MEIG1: variants seen among roughly 807,000 people sequenced by gnomAD.
MEIG1 encodes the protein meiosis/spermiogenesis associated 1, also known as meiosis expressed gene 1 protein homolog.
A neutral mutation model predicts 11.3 loss-of-function variants in MEIG1; 12 were observed. The observed-to-expected ratio is 1.07, with a 90% CI of 0.68 to 1.73. The LOEUF is 1.73. Among genes scored for constraint, MEIG1 ranks in the 40% most tolerant of loss-of-function variants. The probability of loss-of-function intolerance (pLI) is 0.00; values close to 1 mark genes in which losing one functional copy is unlikely to be tolerated. For synonymous variants in MEIG1, 41 were observed against 33.2 expected (o/e 1.24, Z -0.81); for missense variants, 119 against 104.9 (o/e 1.13, Z -0.59).
chr10:14,974,625 C>T (rs1160868786), downstream of MEIG1, among the ~76,000 whole-genome samples: 1 of 151,880 alleles, frequency 6.6e-6, no homozygotes, highest in Non-Finnish European at 1.5e-5. Flanking sequence ...TTAATTGAGA[C>T]TAATAACTAT....
intron 2 of MEIG1, chr10:14,970,409 A>G (rs2131272087): frequency 6.6e-6 from 1 of 152,382 alleles, no homozygotes; most frequent in South Asian, 2.1e-4. Context: ...CAAGTAGCTC[A>G]GCTCCAGATG....
At chr10:14,979,790 G>A (rs1224643944) in intron 1 of MEIG1, among the ~76,000 whole-genome samples, 2 of 151,918 alleles carry the variant, frequency 1.3e-5, no homozygotes, top group African/African-American at 4.8e-5. Flanking sequence ...GTGCACACAT[G>A]GTGTACACCC....
downstream of MEIG1, among the ~76,000 whole-genome samples, chr10:14,973,682 ATGGTG>A (rs1333383755): frequency 6.9e-6 from 1 of 144,556 alleles, no homozygotes; most frequent in Non-Finnish European, 1.5e-5. Flanking sequence ...AGGCAGGAGA[ATGGTG>A]TGAACCCAGG....
intron 1 of MEIG1, among the ~76,000 whole-genome samples, chr10:14,981,867 C>A (rs1280441963): frequency 1.3e-5 from 2 of 152,196 alleles, no homozygotes; most frequent in African/African-American, 2.4e-5. Flanking sequence ...TTGGGGGGAC[C>A]CCTCTGATTG....
intron 2 of MEIG1, chr10:14,987,704 T>C (rs1351806605): frequency 3.5e-6 from 1 of 287,032 alleles, no homozygotes; most frequent in East Asian, 8.5e-5. Flanking sequence ...ACGTCGTATA[T>C]AACAAATCCG....
At chr10:14,958,887 C>G (rs1842978041), upstream of MEIG1, among the ~76,000 whole-genome samples, 2 of 151,828 alleles carry the variant, frequency 1.3e-5, no homozygotes, top group African/African-American at 4.8e-5. Flanking sequence ...CGGAGCGAGA[C>G]TCCGTCTAAA....
At chr10:14,971,442 C>T (rs1165040907) in intron 2 of MEIG1, among the ~76,000 whole-genome samples, 2 of 151,696 alleles carry the variant, frequency 1.3e-5, no homozygotes, top group African/African-American at 4.8e-5. Flanking sequence ...ACTCGGGAGG[C>T]AGAGGCTGGA....
intron 1 of MEIG1, among the ~76,000 whole-genome samples, chr10:14,983,203 C>T (rs1397653939): frequency 6.6e-6 from 1 of 151,930 alleles, no homozygotes; most frequent in African/African-American, 2.4e-5. Flanking sequence ...CAGGGGGTGG[C>T]GTATGAAGTT....
intron 2 of MEIG1, chr10:14,987,379 T>A: frequency 1.3e-6 from 1 of 760,588 alleles, no homozygotes; most frequent in Non-Finnish European, 2.4e-6. Context: ...CAGGCTGCAG[T>A]TCTGGATCCT....
chr10:14,968,504 TAATTA>T (rs1365441834), intron 2 of MEIG1, among the ~76,000 whole-genome samples: 2 of 151,802 alleles, frequency 1.3e-5, no homozygotes, highest in East Asian at 3.9e-4. Flanking sequence ...ATAAATTAAT[TAATTA>T]AATTAAAATT....
intron 2 of MEIG1, chr10:14,970,595 G>T (rs1186463992): frequency 1.3e-5 from 2 of 152,218 alleles, no homozygotes; most frequent in African/African-American, 2.4e-5. Flanking sequence ...GGAAAGGACT[G>T]CTGGTTTTCT....
the MEIG1 span, chr10:14,954,338 C>G: frequency 2.3e-6 from 1 of 431,080 alleles, no homozygotes; most frequent in Non-Finnish European, 4.3e-6. Context: ...GAGGTGCAGT[C>G]GCGGGAAGGG....
downstream of MEIG1, among the ~76,000 whole-genome samples, chr10:14,974,051 C>G (rs4748122): frequency 0.67 from 101,048 of 151,938 alleles, 33,807 homozygotes; most frequent in Admixed American, 0.69. Context: ...TCTTCTTTTT[C>G]CCTGAATAAC....
At chr10:14,969,819 G>C (rs982449712) in intron 2 of MEIG1, among the ~76,000 whole-genome samples, 1 of 152,204 alleles carries the variant, frequency 6.6e-6, no homozygotes, top group Non-Finnish European at 1.5e-5. Context: ...CTGGGCGACA[G>C]AGCGAGACTC....
chr10:14,956,743 A>C (rs1564501320), upstream of MEIG1, among the ~76,000 whole-genome samples: 2 of 152,160 alleles, frequency 1.3e-5, no homozygotes, highest in African/African-American at 4.8e-5. Flanking sequence ...TATTTTAGAC[A>C]CTAAAGATAC....
chr10:14,964,996 A>G (rs539887185), intron 1 of MEIG1, among the ~76,000 whole-genome samples: 2 of 152,210 alleles, frequency 1.3e-5, no homozygotes, highest in South Asian at 4.1e-4. Context: ...CATGTTGGCC[A>G]GGCTGGTCTT....
rs562086114 is a variant in MEIG1 at position 14,959,415 on chromosome 10, C to G, written c.-172C>G. On this transcript the variant is annotated 5_prime_UTR_variant, in exon 1 of 3. Transcript: ENST00000407572. ...TAAGAGACGCGAGGGTCGCGAAGGG[C>G]ACAACACTTGGCCTCTCGCTGGCCC... 6.6e-6 allele frequency: 1 copy of G among 152,456 alleles called. No individual in the cohort carries two copies. Among genetic ancestry groups the G allele is most frequent in the South Asian group, 2.1e-4 (1 of 4,832 alleles). The allele number at this position is 152,456 out of a possible 1,614,324, so 9.4% of individuals were successfully genotyped here.
At chr10:14,956,628 G>A (rs1842956637), upstream of MEIG1, among the ~76,000 whole-genome samples, 1 of 152,134 alleles carries the variant, frequency 6.6e-6, no homozygotes, top group African/African-American at 2.4e-5. Context: ...GAAGTCTGGG[G>A]CAGGAATTCA....
downstream of MEIG1, among the ~76,000 whole-genome samples, chr10:14,976,386 A>C (rs754040964): frequency 6.6e-6 from 1 of 152,166 alleles, no homozygotes; most frequent in Non-Finnish European, 1.5e-5. Flanking sequence ...ATAATGTCAC[A>C]ATGTGTGTAT....
Sources: gnomAD v4.1 joint callset for allele counts (sites outside exome capture counted in the v4.1 genomes callset) on GRCh38, gnomAD v4.1.1 for gene constraint, MANE v1.5 for transcripts, NCBI Gene and HGNC (gene_info 2026-07-23, HGNC 2026-07-21) for gene names.